The following PSMD1 variants were observed in gnomAD, a reference collection of about 807,000 sequenced individuals.
PSMD1 encodes 26S proteasome non-ATPase regulatory subunit 1.
A neutral mutation model predicts 119.0 loss-of-function variants in PSMD1; 18 were observed. The ratio of observed to expected loss-of-function variants is 0.15; its 90% CI spans 0.10 to 0.22. The LOEUF is 0.22. Among genes scored for constraint, PSMD1 ranks in the 10% least tolerant of loss-of-function variants. PSMD1 has a pLI of 1.00. For synonymous variants in PSMD1, 374 were observed against 396.6 expected (o/e 0.94, Z 0.68); for missense variants, 702 against 1,158.5 (o/e 0.61, Z 5.72).
intron 16 of PSMD1, among the ~76,000 whole-genome samples, chr2:231,112,702 T>C (rs902192421): frequency 6.6e-6 from 1 of 152,204 alleles, no homozygotes; most frequent in African/African-American, 2.4e-5. Flanking sequence ...TACTAACATA[T>C]AAGAGTTTTG....
chr2:231,124,232 A>AT (rs1695659267), intron 16 of PSMD1: 2 of 164,300 alleles, frequency 1.2e-5, no homozygotes, highest in Non-Finnish European at 2.7e-5. Flanking sequence ...TCTGTTGTGC[A>AT]TTTGTGACAA....
chr2:231,075,456 G>A, intron 7 of PSMD1, 55 bp from the exon 8 acceptor site: 1 of 1,478,312 alleles, frequency 6.8e-7, no homozygotes, highest in Non-Finnish European at 9.4e-7. Flanking sequence ...CAGATCTGTG[G>A]TATAAACAAA....
intron 16 of PSMD1, among the ~76,000 whole-genome samples, chr2:231,112,851 T>C (rs1401887590): frequency 6.6e-6 from 1 of 152,168 alleles, no homozygotes; most frequent in Non-Finnish European, 1.5e-5. Context: ...TTTGCATCTC[T>C]CTTAAAACTT....
chr2:231,144,126 T>C (rs1479657916), intron 17 of PSMD1, among the ~76,000 whole-genome samples: 1 of 152,218 alleles, frequency 6.6e-6, no homozygotes, highest in East Asian at 1.9e-4. Flanking sequence ...GTCAACTATG[T>C]TGCGCAGGCT....
intron 16 of PSMD1, chr2:231,108,912 C>T: frequency 6.2e-7 from 1 of 1,614,080 alleles, no homozygotes; most frequent in South Asian, 1.1e-5. Flanking sequence ...TTACAGGAAT[C>T]ACATAAAACT....
intron 17 of PSMD1, among the ~76,000 whole-genome samples, chr2:231,142,285 T>A (rs1233503234): frequency 6.6e-6 from 1 of 152,248 alleles, no homozygotes; most frequent in African/African-American, 2.4e-5. Context: ...TGTCATTGGG[T>A]ATATCGAATG....
intron 4 of PSMD1, among the ~76,000 whole-genome samples, chr2:231,064,625 T>G (rs566858984): frequency 6.6e-6 from 1 of 152,348 alleles, no homozygotes; most frequent in East Asian, 1.9e-4. Context: ...CAACTGGAAT[T>G]CTTTAAGGTC....
chr2:231,151,172 G>GT (rs201652978), intron 18 of PSMD1, among the ~76,000 whole-genome samples: 53 of 151,674 alleles, frequency 3.5e-4, no homozygotes, highest in African/African-American at 1.1e-3. Context: ...TCTACTTTTT[G>GT]TTTTTTTTGG....
In PSMD1 at chr2:231,070,611, T is replaced by G. The variant is rs16827757; in HGVS notation, c.654+443T>G. On this transcript the variant is annotated intron_variant, in intron 6 of 24. Coordinates refer to ENST00000308696, the MANE Select transcript of PSMD1 (RefSeq NM_002807.4). The stretch of plus-strand genomic sequence containing the variant: ...TTCTTTATCTCTTTCTATATATAAA[T>G]TTGCTTGCACATAAAAAAAAATTCA... Among the ~76,000 whole-genome samples the G allele has an allele frequency of 8.4e-3, 1,271 of 152,180 alleles. 23 individuals carry two copies. The highest frequency in any genetic ancestry group is 0.029 in the African/African-American group (1,219 of 41,546).
intron 23 of PSMD1, among the ~76,000 whole-genome samples, chr2:231,166,224 C>A (rs1352275011): frequency 6.6e-6 from 1 of 152,164 alleles, no homozygotes; most frequent in Non-Finnish European, 1.5e-5. Context: ...CCTACAAACT[C>A]CCGTCTTCTA....
chr2:231,163,653 A>G lies in PSMD1; in HGVS notation c.2407A>G (p.Lys803Glu). The change falls in exon 21 of 25, where the codon AAA becomes GAA. Residue 803 changes from lysine to glutamate, a missense_variant. Physicochemically the swap from Lys to Glu is moderately conservative, Grantham distance 56. Coordinates refer to ENST00000308696, the MANE Select transcript of PSMD1 (RefSeq NM_002807.4). ...KDLKMPKVQY[K>E]SNCKPSTFAY... Reference sequence around the variant, plus strand: ...TCTTCAGATGCCGAAAGTTCAGTATAAATCGAACTGTAAACCATCCACATT... The same window carrying G: ...TCTTCAGATGCCGAAAGTTCAGTATGAATCGAACTGTAAACCATCCACATT... 1 of 1,612,572 alleles carries G rather than the reference A, an allele frequency of 6.2e-7. No homozygotes were observed. The highest frequency in any genetic ancestry group is 1.7e-4 in the Middle Eastern group (1 of 6,056).
chr2:231,083,128 G>C (rs779020516), intron 13 of PSMD1, 134 bp downstream of exon 13: 4 of 726,410 alleles, frequency 5.5e-6, no homozygotes, highest in Non-Finnish European at 8.8e-6. Context: ...AGTGAATTTT[G>C]CTCCATTTGT....
intron 4 of PSMD1, among the ~76,000 whole-genome samples, chr2:231,063,765 C>G (rs1017581795): frequency 3.9e-5 from 6 of 152,170 alleles, no homozygotes; most frequent in African/African-American, 1.2e-4. Flanking sequence ...AACTAGACTA[C>G]TTTCTTCACT....
At chr2:231,080,041 A>G in intron 11 of PSMD1, 100 bp from the exon 12 acceptor site, 1 of 1,077,240 alleles carries the variant, frequency 9.3e-7, no homozygotes, top group Non-Finnish European at 1.3e-6. Flanking sequence ...CTCTCTTAGC[A>G]AGTGAACATT....
At chr2:231,060,586 T>A (rs1693732618) in intron 1 of PSMD1, among the ~76,000 whole-genome samples, 1 of 152,236 alleles carries the variant, frequency 6.6e-6, no homozygotes, top group Admixed American at 6.5e-5. Context: ...CTCTCCTATG[T>A]TAGTGGTAAT....
intron 6 of PSMD1, 60 bp from the exon 7 acceptor site, chr2:231,072,129 T>C: frequency 7.1e-7 from 1 of 1,407,886 alleles, no homozygotes; most frequent in Admixed American, 1.8e-5. Flanking sequence ...TTTGTCTCCT[T>C]AAGTACCTTG....
intron 15 of PSMD1, 99 bp downstream of exon 15, chr2:231,085,213 C>T (rs1694402351): frequency 1.1e-6 from 1 of 950,754 alleles, no homozygotes; most frequent in South Asian, 1.3e-5. Context: ...CGCATGACCA[C>T]CACCAGTGGT....
intron 10 of PSMD1, among the ~76,000 whole-genome samples, chr2:231,079,161 C>G (rs1454518738): frequency 2.0e-5 from 3 of 152,050 alleles, no homozygotes; most frequent in African/African-American, 7.2e-5. Context: ...TCCTTGTTAA[C>G]CAGTCCTTAA....
chr2:231,075,545 G>A lies in PSMD1; in HGVS notation c.916G>A (p.Ala306Thr), dbSNP rs1384378898. The A allele has an allele frequency of 3.1e-6, 5 of 1,609,646 alleles. No individual in the cohort carries two copies. The highest frequency in any genetic ancestry group is 4.5e-5 in the East Asian group (2 of 44,836). ...GGAAACAGAAGAAAAGACAAGCAGTGCATTTGTAGGAAAGACACCAGAAGC... is the reference window on the plus strand; with the variant it reads ...GGAAACAGAAGAAAAGACAAGCAGTACATTTGTAGGAAAGACACCAGAAGC... ...SMETEEKTSSAFVGKTPEASP... is the reference protein window; with the variant it reads ...SMETEEKTSSTFVGKTPEASP... The change falls in exon 8 of 25, where the codon GCA becomes ACA. Residue 306 changes from alanine to threonine, a missense_variant. By Grantham distance (58) the Ala-to-Thr change is moderately conservative. Transcript: ENST00000308696.
Sources: gnomAD v4.1 joint callset for allele counts (sites outside exome capture counted in the v4.1 genomes callset) on GRCh38, gnomAD v4.1.1 for gene constraint, MANE v1.5 for transcripts, NCBI Gene and HGNC (gene_info 2026-07-23, HGNC 2026-07-21) for gene names.